Variants in RALGPS2 observed in about 807,000 individuals in gnomAD.
The protein encoded by RALGPS2 is Ral GEF with PH domain and SH3 binding motif 2, also known as ras-specific guanine nucleotide-releasing factor RalGPS2.
In RALGPS2, 43 loss-of-function variants were observed where a neutral mutation model predicts 86.8. The observed-to-expected ratio is 0.50, with a 90% CI of 0.39 to 0.64. RALGPS2 has a LOEUF of 0.64. RALGPS2 is among the 30% of genes least tolerant of loss of function. The pLI, the probability that RALGPS2 is intolerant of heterozygous loss-of-function variation, is 0.00. For missense variants in RALGPS2, 536 were observed against 694.6 expected (o/e 0.77, Z 2.57); for synonymous variants, 243 against 231.3 (o/e 1.05, Z -0.46).
At chr1:178,879,024 A>T (rs775073542) in intron 10 of RALGPS2, 32 bp downstream of exon 10, 15 of 1,606,790 alleles carry the variant, frequency 9.3e-6, no homozygotes, top group East Asian at 4.5e-5. Context: ...GGTTTGTATA[A>T]CTTTGTCCTG....
intron 8 of RALGPS2, among the ~76,000 whole-genome samples, chr1:178,867,595 TTA>T (rs1658494350): frequency 1.3e-5 from 2 of 152,058 alleles, no homozygotes; most frequent in South Asian, 4.1e-4. Context: ...AGTCTTAAGT[TTA>T]TGTTTCTTGT....
intron 1 of RALGPS2, among the ~76,000 whole-genome samples, chr1:178,744,080 TCA>T (rs1651177818): frequency 6.6e-6 from 1 of 152,128 alleles, no homozygotes; most frequent in African/African-American, 2.4e-5. Flanking sequence ...CAGAAATAAC[TCA>T]CATGAGCATA....
chr1:178,758,445 T>C (rs181713111), intron 1 of RALGPS2, among the ~76,000 whole-genome samples: 28 of 152,298 alleles, frequency 1.8e-4, no homozygotes, highest in Admixed American at 1.7e-3. Context: ...ATTAAATTAT[T>C]ATTGACTATA....
rs985475961 is a variant in RALGPS2, at chr1:178,916,865, A to G, written c.*506A>G. ...GGATTGTACCAGCAGCCCACCTGCAAGGTTTGTTCTCCCTCTAGTAGTCTG... is the reference window on the plus strand; with the variant it reads ...GGATTGTACCAGCAGCCCACCTGCAGGGTTTGTTCTCCCTCTAGTAGTCTG... On this transcript the variant is annotated 3_prime_UTR_variant, in exon 20 of 20. Coordinates refer to ENST00000367635, the MANE Select transcript of RALGPS2 (RefSeq NM_152663.5). 1 of 152,770 alleles carries G rather than the reference A, an allele frequency of 6.5e-6. No individual in the cohort carries two copies. The highest frequency in any genetic ancestry group is 1.5e-5 in the Non-Finnish European group (1 of 68,492). The allele number at this position is 152,770 out of a possible 1,614,324, so 9.5% of individuals were successfully genotyped here.
At position 178,902,720 on chromosome 1, in the gene RALGPS2, A is replaced by G. The variant is rs114805264; in HGVS notation, c.1630+509A>G. The stretch of plus-strand genomic sequence containing the variant: ...TTCAGAACCAATATTCTGCAGTCTT[A>G]TCCACACAGATCTAGAGATGCCACA... On this transcript the variant is annotated intron_variant, in intron 18 of 19. Transcript: ENST00000367635. Among the ~76,000 whole-genome samples, 496 of 152,246 alleles carry G rather than the reference A, an allele frequency of 3.3e-3. 5 individuals carry two copies. Among genetic ancestry groups the G allele is most frequent in the African/African-American group, 0.011 (444 of 41,574 alleles).
intron 1 of RALGPS2, chr1:178,726,194 G>T (rs1572256098): frequency 6.6e-6 from 1 of 152,298 alleles, no homozygotes; most frequent in Non-Finnish European, 1.5e-5. Context: ...TTCCATTGCA[G>T]TATCGGATTA....
At chr1:178,830,309 A>G (rs1655957757) in intron 7 of RALGPS2, among the ~76,000 whole-genome samples, 1 of 152,192 alleles carries the variant, frequency 6.6e-6, no homozygotes, top group African/African-American at 2.4e-5. Flanking sequence ...TGGGGAGATA[A>G]GCACTTGGCC....
In RALGPS2 at chr1:178,886,659, T is replaced by C. The variant is rs559005911; in HGVS notation, c.1192+539T>C. ...GAGGTAGCATATTTATAAGCCATGA[T>C]TGGTTGAGGGTACCTAAAGAGAGAG... On this transcript the variant is annotated intron_variant, in intron 13 of 19. Coordinates refer to ENST00000367635, the MANE Select transcript of RALGPS2 (RefSeq NM_152663.5). 3.3e-5 allele frequency among the ~76,000 whole-genome samples: 5 copies of C among 152,208 alleles called. 1 individual carries two copies. In the South Asian group the frequency reaches 8.3e-4, roughly 25 times the overall value.
Position 178,885,252 on chromosome 1 carries a change from T to C in RALGPS2, c.1040+41T>C, listed in dbSNP as rs374309599. On this transcript the variant is annotated intron_variant, in intron 12 of 19. Transcript: ENST00000367635. ...TTTATCTTTCAAATTTTTAAGTCTT[T>C]TGTAATTGGATTTATTGTCGATTTA... 9.3e-5 allele frequency: 146 copies of C among 1,564,412 alleles called. No individual in the cohort carries two copies. The African/African-American group carries it at 1.9e-3, about 20-fold the overall frequency.
intron 7 of RALGPS2, among the ~76,000 whole-genome samples, chr1:178,824,707 G>T (rs543795674): frequency 6.6e-6 from 1 of 152,166 alleles, no homozygotes; most frequent in Admixed American, 6.5e-5. Context: ...TACTCTGGAG[G>T]CTGAGGCAGG....
chr1:178,907,093 G>T (rs1335951485), intron 19 of RALGPS2, among the ~76,000 whole-genome samples: 1 of 152,136 alleles, frequency 6.6e-6, no homozygotes, highest in Non-Finnish European at 1.5e-5. Flanking sequence ...ACTATATAAA[G>T]AAAACAATAG....
intron 1 of RALGPS2, among the ~76,000 whole-genome samples, chr1:178,759,736 T>C (rs1652141691): frequency 6.6e-6 from 1 of 152,162 alleles, no homozygotes; most frequent in African/African-American, 2.4e-5. Context: ...ATATCCATTT[T>C]TTTTTGCATC....
intron 2 of RALGPS2, among the ~76,000 whole-genome samples, chr1:178,778,316 G>A (rs1653204732): frequency 2.9e-4 from 1 of 3,490 alleles, no homozygotes; most frequent in Non-Finnish European, 4.1e-4. Context: ...CTGGGCATCA[G>A]AGAAATGCAA....
intron 1 of RALGPS2, among the ~76,000 whole-genome samples, chr1:178,731,590 C>A (rs2102003082): frequency 6.6e-6 from 1 of 152,162 alleles, no homozygotes; most frequent in African/African-American, 2.4e-5. Flanking sequence ...GCCTGATTTT[C>A]TAGTTTGAAG....
chr1:178,830,052 G>A (rs548603510), intron 7 of RALGPS2, among the ~76,000 whole-genome samples: 50 of 152,246 alleles, frequency 3.3e-4, no homozygotes, highest in Middle Eastern at 3.4e-3. Context: ...GCCTAAAAGA[G>A]TGAATCTTAA....
intron 1 of RALGPS2, among the ~76,000 whole-genome samples, chr1:178,763,885 T>A (rs987915297): frequency 2.6e-5 from 4 of 152,120 alleles, no homozygotes; most frequent in South Asian, 2.1e-4. Context: ...TTTTTTTTTT[T>A]AATTTAATGA....
intron 6 of RALGPS2, among the ~76,000 whole-genome samples, chr1:178,816,428 G>A (rs139065305): frequency 2.0e-5 from 3 of 151,972 alleles, no homozygotes; most frequent in South Asian, 2.1e-4. Flanking sequence ...TTTTTAATAG[G>A]ATTGTTTGTC....
In RALGPS2 at chr1:178,742,745, C is replaced by T. The variant is rs1161056431; in HGVS notation, c.-84+17326C>T. 2.1e-4 allele frequency among the ~76,000 whole-genome samples: 32 copies of T among 152,144 alleles called. 1 individual carries two copies. The highest frequency in any genetic ancestry group is 2.1e-3 in the Admixed American group (32 of 15,274). ...TCAATAATTTAAAAGGGTTGAGATC[C>T]TTCAAAATATGTTATCTGATCACAG... On this transcript the variant is annotated intron_variant, in intron 1 of 19. Transcript: ENST00000367635.
chr1:178,822,993 A>T (rs1036490389), intron 7 of RALGPS2, among the ~76,000 whole-genome samples: 6 of 152,044 alleles, frequency 3.9e-5, no homozygotes, highest in Non-Finnish European at 5.9e-5. Flanking sequence ...TAATTTTTTA[A>T]AAAGTTTTTA....
Sources: gnomAD v4.1 joint callset for allele counts (sites outside exome capture counted in the v4.1 genomes callset) on GRCh38, gnomAD v4.1.1 for gene constraint, MANE v1.5 for transcripts, NCBI Gene and HGNC (gene_info 2026-07-23, HGNC 2026-07-21) for gene names.